Variants in WDR3 observed in about 807,000 individuals in gnomAD.
WDR3 encodes WD repeat-containing protein 3.
A neutral mutation model predicts 123.7 loss-of-function variants in WDR3; 81 were observed. That is an observed-to-expected ratio of 0.65 (90% CI 0.55 to 0.79). The LOEUF (loss-of-function observed/expected upper bound fraction) is 0.79, where lower values mean the gene tolerates loss of function less well. Among genes scored for constraint, WDR3 ranks in the 30% least tolerant of loss-of-function variants. WDR3 has a pLI of 0.00. For synonymous variants in WDR3, 390 were observed against 388.8 expected, an observed-to-expected ratio of 1.00 and a Z score of -0.04; for missense variants, 1,027 against 1,123.2, an observed-to-expected ratio of 0.91 and a Z score of 1.22.
In WDR3 at chr1:117,933,471, A is replaced by G; in HGVS notation, c.152A>G (p.Asp51Gly). The change falls in exon 2 of 27, where the codon GAC (aspartate) becomes GGC (glycine). Residue 51 changes from aspartate (D) to glycine (G), a missense_variant. Transcript: ENST00000349139. ...VPACEHVFIW[D>G]LRKGEKILIL... Reference sequence around the variant, plus strand: ...GCTTGTGAACACGTTTTCATCTGGGACTTAAGGAAAGGAGAGAAGGTGAGC... The same window carrying G: ...GCTTGTGAACACGTTTTCATCTGGGGCTTAAGGAAAGGAGAGAAGGTGAGC... The G allele has an allele frequency of 6.2e-7, 1 of 1,614,154 alleles. No individual in the cohort carries two copies. Among genetic ancestry groups the G allele is most frequent in the Non-Finnish European group, 8.5e-7 (1 of 1,180,026 alleles).
Position 117,965,421 on chromosome 1 carries a change from A to T in WDR3, c.*5974A>T, listed in dbSNP as rs972940212. 3.3e-5 allele frequency: 5 copies of T among 152,152 alleles called. No homozygotes were observed. Among genetic ancestry groups the T allele is most frequent in the African/African-American group, 9.7e-5 (4 of 41,408 alleles). The allele number at this position is 152,152 out of a possible 1,614,324, so 9.4% of individuals were successfully genotyped here. On this transcript the variant is annotated 3_prime_UTR_variant, in exon 27 of 27. Coordinates refer to ENST00000349139, the MANE Select transcript of WDR3 (RefSeq NM_006784.3). ...GATGCTTAAAATTATTATATCTCCAATTCTGACTTCTCAGTTGAGATCTAA... is the reference window on the plus strand; with the variant it reads ...GATGCTTAAAATTATTATATCTCCATTTCTGACTTCTCAGTTGAGATCTAA...
intron 10 of WDR3, 66 bp from the exon 11 acceptor site, chr1:117,943,330 C>T: frequency 7.3e-7 from 1 of 1,378,304 alleles, no homozygotes; most frequent in Admixed American, 2.0e-5. Context: ...AAGCCTTTTC[C>T]TGGAAAAAGT....
chr1:117,954,141 A>G (rs779343444), intron 22 of WDR3, 42 bp downstream of exon 22: 3 of 1,526,740 alleles, frequency 2.0e-6, no homozygotes, highest in South Asian at 2.3e-5. Context: ...AATAAAGGGA[A>G]TTCCCAAGGA....
At chr1:117,947,144 G>T (rs966725434) in intron 12 of WDR3, among the ~76,000 whole-genome samples, 1 of 152,020 alleles carries the variant, frequency 6.6e-6, no homozygotes, top group African/African-American at 2.4e-5. Context: ...TGACGTTACT[G>T]ACCCATTTCA....
chr1:117,938,615 G>T, intron 5 of WDR3, 57 bp downstream of exon 5: 7 of 1,493,732 alleles, frequency 4.7e-6, no homozygotes, highest in Non-Finnish European at 5.5e-6. Flanking sequence ...GGAAAAGGTG[G>T]TGGTCTTCTC....
rs1651485853 is a variant in WDR3, at chr1:117,948,449, G to A, written c.1467G>A (p.Leu489=). ...ATGACTTGGCTTCAGGGAATCTGCT[G>A]GAGACAATAGATGCACATGATGGAG... is the stretch of plus-strand genomic sequence containing the variant. ...QLYDLASGNL[L]ETIDAHDGAL... Residue 489 remains leucine (L), a synonymous_variant, in exon 13 of 27, where the codon CTG becomes CTA. Coordinates refer to ENST00000349139, the MANE Select transcript of WDR3 (RefSeq NM_006784.3). 2 of 1,613,930 alleles carry A rather than the reference G, an allele frequency of 1.2e-6. No homozygotes were observed. Among genetic ancestry groups the A allele is most frequent in the Non-Finnish European group, 1.7e-6 (2 of 1,179,984 alleles).
intron 21 of WDR3, 48 bp from the exon 22 acceptor site, chr1:117,953,959 A>G: frequency 1.3e-6 from 2 of 1,499,186 alleles, no homozygotes; most frequent in Non-Finnish European, 1.8e-6. Context: ...GTGTCCTGGG[A>G]TGATGGAGTA....
At chr1:117,930,517 T>G (rs889189062) in intron 1 of WDR3, among the ~76,000 whole-genome samples, 1 of 152,226 alleles carries the variant, frequency 6.6e-6, no homozygotes, top group African/African-American at 2.4e-5. Context: ...GGATGAGTTT[T>G]TGGAAACTGG....
In WDR3 at chr1:117,943,435, G is replaced by T; in HGVS notation, c.1137G>T (p.Lys379Asn). Residue 379 changes from lysine (K) to asparagine (N), a missense_variant, in exon 11 of 27, where the codon AAG becomes AAT. By Grantham distance (94) the Lys-to-Asn change is moderately conservative. Transcript: ENST00000349139. Reference sequence around the variant, plus strand: ...TTCATTCACCTCACGGAGAGTTAAAGGCTGTCTTCCTGCTGCAGAACAACC... The same window carrying T: ...TTCATTCACCTCACGGAGAGTTAAATGCTGTCTTCCTGCTGCAGAACAACC... The part of the protein sequence containing the change: ...DLIHSPHGEL[K>N]AVFLLQNNLV... 2 of 1,614,092 alleles carry T rather than the reference G, an allele frequency of 1.2e-6. No homozygotes were observed. The highest frequency in any genetic ancestry group is 1.7e-6 in the Non-Finnish European group (2 of 1,180,000).
At position 117,950,901 on chromosome 1, in the gene WDR3, TA is replaced by T. The variant is rs1356419074; in HGVS notation, c.1803+14del. The T allele has an allele frequency of 8.7e-6, 14 of 1,602,764 alleles. No individual in the cohort carries two copies. In the East Asian group the frequency reaches 3.1e-4, roughly 36 times the overall value. ...ATGGACATCTCTCATGTAAGTAGTTTAAATAGTGTCTCAGTAATATGTTGTC... is the reference window on the plus strand; with the variant it reads ...ATGGACATCTCTCATGTAAGTAGTTTAATAGTGTCTCAGTAATATGTTGTC... On this transcript the variant is annotated intron_variant, in intron 16 of 26. Transcript: ENST00000349139.
At chr1:117,942,385 A>G (rs555826072) in intron 9 of WDR3, 52 bp from the exon 10 acceptor site, 34 of 1,536,276 alleles carry the variant, frequency 2.2e-5, no homozygotes, top group Non-Finnish European at 2.9e-5. Context: ...AGTAAGAGCA[A>G]AGCTGCTTCT....
In WDR3 at chr1:117,935,544, C is replaced by T. The variant is rs539525805; in HGVS notation, c.381+862C>T. Among the ~76,000 whole-genome samples, 15 of 151,922 alleles carry T rather than the reference C, an allele frequency of 9.9e-5. No homozygotes were observed. The South Asian group carries it at 2.1e-3, about 21-fold the overall frequency. Reference sequence around the variant, plus strand: ...ATTCCTAATTAGTATATTTTAAAGACGACATTTTAATAAGTAGAAAAATGA... The same window carrying T: ...ATTCCTAATTAGTATATTTTAAAGATGACATTTTAATAAGTAGAAAAATGA... On this transcript the variant is annotated intron_variant, in intron 3 of 26. Transcript: ENST00000349139.
chr1:117,954,007 G>T lies in WDR3; in HGVS notation c.2269G>T (p.Ala757Ser). The T allele has an allele frequency of 6.2e-7, 1 of 1,609,756 alleles. No homozygotes were observed. Among genetic ancestry groups the T allele is most frequent in the Non-Finnish European group, 8.5e-7 (1 of 1,177,522 alleles). ...GKKTIETVKAAERIMEAIELY... is the reference protein window; with the variant it reads ...GKKTIETVKASERIMEAIELY... ...TTCTTTCCTTTCTCATCCTCTGTAG[G>T]CTGAGAGGATTATGGAGGCTATTGA... The change falls in exon 22 of 27, where the codon GCT (alanine) becomes TCT (serine). Residue 757 changes from alanine (A) to serine (S), a missense_variant and splice_region_variant. Physicochemically the swap from Ala to Ser is moderately conservative, Grantham distance 99 (BLOSUM62 1). Transcript: ENST00000349139.
At chr1:117,952,213 C>G (rs1333063340) in intron 17 of WDR3, 84 bp from the exon 18 acceptor site, 2 of 1,430,532 alleles carry the variant, frequency 1.4e-6, no homozygotes, top group Non-Finnish European at 1.9e-6. Flanking sequence ...CTAGAACTAG[C>G]TAGTCAAAAG....
rs762965909 is a variant in WDR3 at position 117,951,967 on chromosome 1, T to C, written c.1804-9T>C. ...AATCAAGGTAGTGTTTTACTTTTATTTCTCATAGGATGGAGCACTCATAGC... is the reference window on the plus strand; with the variant it reads ...AATCAAGGTAGTGTTTTACTTTTATCTCTCATAGGATGGAGCACTCATAGC... On this transcript the variant is annotated splice_polypyrimidine_tract_variant and intron_variant, in intron 16 of 26. Coordinates refer to ENST00000349139, the MANE Select transcript of WDR3 (RefSeq NM_006784.3). 1 of 1,605,724 alleles carries C rather than the reference T, an allele frequency of 6.2e-7. No individual in the cohort carries two copies. The highest frequency in any genetic ancestry group is 1.7e-5 in the Admixed American group (1 of 57,266).
intron 1 of WDR3, among the ~76,000 whole-genome samples, chr1:117,930,253 G>A (rs1030621939): frequency 6.6e-6 from 1 of 152,222 alleles, no homozygotes; most frequent in African/African-American, 2.4e-5. Context: ...AGCTGTGCAC[G>A]TGGAACAAAG....
At position 117,957,185 on chromosome 1, in the gene WDR3, C is replaced by G. The variant is rs1195124113; in HGVS notation, c.2571C>G (p.Phe857Leu). ...SDVELICRCLFFLLRIHFGQI... is the reference protein window; with the variant it reads ...SDVELICRCLLFLLRIHFGQI... ...TTGAACTTATATGCCGGTGCCTCTTCTTCCTCCTTAGGTAACATCCTTTTC... is the reference window on the plus strand; with the variant it reads ...TTGAACTTATATGCCGGTGCCTCTTGTTCCTCCTTAGGTAACATCCTTTTC... Residue 857 changes from phenylalanine to leucine, a missense_variant, in exon 25 of 27, where the codon TTC becomes TTG. Transcript: ENST00000349139. 5 of 1,611,636 alleles carry G rather than the reference C, an allele frequency of 3.1e-6. No individual in the cohort carries two copies. The East Asian group carries it at 6.7e-5, about 22-fold the overall frequency.
chr1:117,937,708 T>C (rs1650995167), intron 4 of WDR3, among the ~76,000 whole-genome samples: 1 of 152,158 alleles, frequency 6.6e-6, no homozygotes, highest in East Asian at 1.9e-4. Flanking sequence ...GAGCGGTGTT[T>C]TTTTCCAGTT....
Position 117,966,360 on chromosome 1 carries a change from G to A in WDR3, c.*6913G>A, listed in dbSNP as rs113598797. On this transcript the variant is annotated 3_prime_UTR_variant, in exon 27 of 27. Coordinates refer to ENST00000349139, the MANE Select transcript of WDR3 (RefSeq NM_006784.3). ...GTTTTATTATTCTGTCTGATATTCC[G>A]TAGATAGCCAATAACATTTACATTT... The A allele has an allele frequency of 7.2e-4, 236 of 328,980 alleles. 1 individual carries two copies. The highest frequency in any genetic ancestry group is 4.4e-3 in the African/African-American group (207 of 47,102). 20.4% of individuals were successfully genotyped at this position (328,980 alleles called of 1,614,324 possible).
Sources: allele counts gnomAD v4.1 joint callset (sites outside exome capture counted in the v4.1 genomes callset), GRCh38; gene constraint gnomAD v4.1.1; transcripts MANE v1.5; gene names NCBI Gene and HGNC (gene_info 2026-07-23, HGNC 2026-07-21).